ARPC5L: variants seen among roughly 807,000 people sequenced by gnomAD.
ARPC5L encodes actin related protein 2/3 complex subunit 5 like, also known as actin-related protein 2/3 complex subunit 5-like protein.
A neutral mutation model predicts 16.9 loss-of-function variants in ARPC5L; 4 were observed. That is an observed-to-expected ratio of 0.24 (90% confidence interval 0.12 to 0.54). ARPC5L has a LOEUF of 0.54. Among genes scored for constraint, ARPC5L ranks in the 20% least tolerant of loss-of-function variants. The pLI is 0.95. For synonymous variants in ARPC5L, 78 were observed against 82.6 expected (o/e 0.94, Z 0.30); for missense variants, 151 against 201.9 (o/e 0.75, Z 1.53).
chr9:124,867,808 C>CTTT (rs57343594), intron 2 of ARPC5L, among the ~76,000 whole-genome samples: 2 of 98,770 alleles, frequency 2.0e-5, no homozygotes, highest in Admixed American at 1.0e-4. Flanking sequence ...CTTTTCTTTT[C>CTTT]TTTTTTTTTT....
At chr9:124,867,111 C>G (rs1588041004) in intron 2 of ARPC5L, among the ~76,000 whole-genome samples, 1 of 151,264 alleles carries the variant, frequency 6.6e-6, no homozygotes, top group South Asian at 2.1e-4. Context: ...TCCTTCCAGT[C>G]TCTGTCTAGT....
intron 2 of ARPC5L, among the ~76,000 whole-genome samples, chr9:124,867,348 C>T (rs1238874645): frequency 6.6e-6 from 1 of 152,062 alleles, no homozygotes; most frequent in Non-Finnish European, 1.5e-5. Context: ...ACCATGTTGG[C>T]CAGGCTGGTC....
intron 3 of ARPC5L, 69 bp downstream of exon 3, chr9:124,869,508 C>G: frequency 2.1e-6 from 3 of 1,396,502 alleles, no homozygotes; most frequent in East Asian, 3.1e-5. Context: ...CCCACCTTCT[C>G]GGGCCCTTTC....
At chr9:124,867,763 G>A (rs557773236) in intron 2 of ARPC5L, among the ~76,000 whole-genome samples, 21 of 151,630 alleles carry the variant, frequency 1.4e-4, no homozygotes, top group South Asian at 4.2e-4. Context: ...TATTGCAGGT[G>A]GGCTTTGCAT....
chr9:124,872,691 CAG>C (rs1423076054), intron 3 of ARPC5L: 6 of 152,254 alleles, frequency 3.9e-5, no homozygotes, highest in African/African-American at 1.4e-4. Flanking sequence ...AACTGAAAGA[CAG>C]AGGGACTGGA....
chr9:124,875,347 T>C (rs1233715864), intron 5 of ARPC5L, among the ~76,000 whole-genome samples, 196 bp downstream of exon 5: 2 of 152,222 alleles, frequency 1.3e-5, no homozygotes, highest in African/African-American at 2.4e-5. Context: ...TCTGTGGTAA[T>C]TGCAGTTACT....
chr9:124,862,856 AT>A (rs1033733134), intron 1 of ARPC5L, among the ~76,000 whole-genome samples: 6 of 136,756 alleles, frequency 4.4e-5, no homozygotes, highest in South Asian at 2.4e-4. Context: ...TTATTTTTTA[AT>A]TTTTTTTTTC....
intron 2 of ARPC5L, among the ~76,000 whole-genome samples, chr9:124,865,558 G>C (rs1004819940): frequency 6.6e-6 from 1 of 152,080 alleles, no homozygotes; most frequent in African/African-American, 2.4e-5. Context: ...GGGAGGCCAA[G>C]GCAGGTGGAT....
rs1270622110 is a variant in ARPC5L, at chr9:124,869,149, G to A, written c.-142G>A. The A allele has an allele frequency of 9.9e-7, 1 of 1,013,030 alleles. No homozygotes were observed. Among genetic ancestry groups the A allele is most frequent in the Admixed American group, 4.4e-5 (1 of 22,780 alleles). 62.8% of individuals were successfully genotyped at this position (1,013,030 alleles called of 1,614,324 possible). On this transcript the variant is annotated 5_prime_UTR_variant, in exon 3 of 6. Coordinates refer to ENST00000353214, the MANE Select transcript of ARPC5L (RefSeq NM_030978.3). ...GTGCCGGAAGTGGGCGGGCGGCGGC[G>A]GCTGCGCGCGGAGGCGGTGGAGGAG...
At chr9:124,876,401 C>T (rs1156251500) in intron 5 of ARPC5L, among the ~76,000 whole-genome samples, 4 of 151,898 alleles carry the variant, frequency 2.6e-5, no homozygotes, top group Non-Finnish European at 4.4e-5. Context: ...GCAGGAGAAG[C>T]GCTTGAACTG....
intron 1 of ARPC5L, among the ~76,000 whole-genome samples, chr9:124,863,217 C>T (rs1829228429): frequency 6.6e-6 from 1 of 152,086 alleles, no homozygotes; most frequent in African/African-American, 2.4e-5. Flanking sequence ...TGCAGTGGCG[C>T]GATCTCGGCT....
Position 124,873,750 on chromosome 9 carries a change from A to C in ARPC5L, c.208A>C (p.Asn70His). 6.2e-7 allele frequency: 1 copy of C among 1,614,180 alleles called. No homozygotes were observed. Among genetic ancestry groups the C allele is most frequent in the Non-Finnish European group, 8.5e-7 (1 of 1,180,038 alleles). The change falls in exon 4 of 6, where the codon AAT becomes CAT. Residue 70 changes from asparagine (N) to histidine (H), a missense_variant. Coordinates refer to ENST00000353214, the MANE Select transcript of ARPC5L (RefSeq NM_030978.3). ...ALRNSPVNTKNQAVKERAQGV... is the reference protein window; with the variant it reads ...ALRNSPVNTKHQAVKERAQGV... ...GCGGAACTCTCCCGTCAACACCAAGAATCAAGCTGTGAAGGTAAAGGGGTG... is the reference window on the plus strand; with the variant it reads ...GCGGAACTCTCCCGTCAACACCAAGCATCAAGCTGTGAAGGTAAAGGGGTG...
At chr9:124,863,722 G>A (rs567452808) in intron 1 of ARPC5L, among the ~76,000 whole-genome samples, 3 of 152,334 alleles carry the variant, frequency 2.0e-5, no homozygotes, top group African/African-American at 7.2e-5. Context: ...GAATTCACAA[G>A]GCAGGGCATG....
intron 4 of ARPC5L, 82 bp from the exon 5 acceptor site, chr9:124,874,893 T>C: frequency 1.3e-6 from 2 of 1,546,962 alleles, no homozygotes; most frequent in South Asian, 2.3e-5. Flanking sequence ...TTTCTGGTGA[T>C]CTGTGTCCTT....
At chr9:124,867,444 C>G (rs1380025630) in intron 2 of ARPC5L, among the ~76,000 whole-genome samples, 1 of 151,982 alleles carries the variant, frequency 6.6e-6, no homozygotes, top group African/African-American at 2.4e-5. Flanking sequence ...CCGGCCAGGA[C>G]ACCTCCTTTG....
intron 5 of ARPC5L, among the ~76,000 whole-genome samples, 167 bp downstream of exon 5, chr9:124,875,318 T>C (rs919993469): frequency 3.3e-5 from 5 of 152,204 alleles, no homozygotes; most frequent in African/African-American, 4.8e-5. Context: ...CCAAGGAAGC[T>C]CCTGGTAGGG....
intron 4 of ARPC5L, 50 bp from the exon 5 acceptor site, chr9:124,874,915 GGGCATGGCAT>G: frequency 2.5e-6 from 4 of 1,599,254 alleles, no homozygotes; most frequent in Non-Finnish European, 3.4e-6. Flanking sequence ...CTTTGGTGTG[GGGCATGGCAT>G]GGCGGTGCCT....
At chr9:124,870,029 T>A (rs1193988763) in intron 3 of ARPC5L, among the ~76,000 whole-genome samples, 3 of 152,174 alleles carry the variant, frequency 2.0e-5, no homozygotes, top group Non-Finnish European at 2.9e-5. Context: ...CTTCCCCCAG[T>A]CAGTCTAACC....
In ARPC5L at chr9:124,869,178, C is replaced by A. The variant is rs1439552507; in HGVS notation, c.-113C>A. ...GCGCGCGGAGGCGGTGGAGGAGGTGCTGGGAGCAGCCGGGCAGCCGCTTCC... is the reference window on the plus strand; with the variant it reads ...GCGCGCGGAGGCGGTGGAGGAGGTGATGGGAGCAGCCGGGCAGCCGCTTCC... On this transcript the variant is annotated 5_prime_UTR_variant, in exon 3 of 6. It adds an upstream start codon to the 5' untranslated region. Coordinates refer to ENST00000353214, the MANE Select transcript of ARPC5L (RefSeq NM_030978.3). 8 of 1,222,244 alleles carry A rather than the reference C, an allele frequency of 6.5e-6. No individual in the cohort carries two copies. In the Admixed American group the frequency reaches 2.1e-4, roughly 32 times the overall value. 75.7% of individuals were successfully genotyped at this position (1,222,244 alleles called of 1,614,324 possible). A position where few individuals can be genotyped will look rare whatever the true frequency, so the allele number is the denominator to read the frequency against.
Sources: gnomAD v4.1 joint callset for allele counts (sites outside exome capture counted in the v4.1 genomes callset) on GRCh38, gnomAD v4.1.1 for gene constraint, MANE v1.5 for transcripts, NCBI Gene and HGNC (gene_info 2026-07-23, HGNC 2026-07-21) for gene names.